MGRN1: variants seen among roughly 807,000 people sequenced by gnomAD.
The protein encoded by MGRN1 is E3 ubiquitin-protein ligase MGRN1.
In MGRN1, 29 loss-of-function variants were observed where a neutral mutation model predicts 69.2. The observed-to-expected ratio is 0.42, with a 90% CI of 0.31 to 0.57. MGRN1 has a LOEUF of 0.57. Ranked by LOEUF, MGRN1 falls within the 20% of genes least tolerant of loss-of-function variation. The pLI, the probability that MGRN1 is intolerant of heterozygous loss-of-function variation, is 0.15. For synonymous variants in MGRN1, 470 were observed against 344.2 expected (o/e 1.37, Z -4.04); for missense variants, 998 against 796.2 (o/e 1.25, Z -3.05).
rs564695629 is a variant in MGRN1 at position 4,678,058 on chromosome 16, GCTGGTCTCGAACT to G, written c.1065+489_1065+501del. Among the ~76,000 whole-genome samples the G allele has an allele frequency of 1.1e-4, 17 of 152,274 alleles. 1 individual carries two copies. The South Asian group carries it at 3.5e-3, about 32-fold the overall frequency. On this transcript the variant is annotated intron_variant, in intron 11 of 16. Coordinates refer to ENST00000262370, the MANE Select transcript of MGRN1 (RefSeq NM_015246.4). ...AGGTGGGGTTTCCCATGTTGCCCAG[GCTGGTCTCGAACT>G]CTTGGGCTCAAGTGCTAGTCCTGCC... is the stretch of plus-strand genomic sequence containing the variant.
chr16:4,625,156 G>C, intron 1 of MGRN1, 108 bp downstream of exon 1: 1 of 1,078,778 alleles, frequency 9.3e-7, no homozygotes, highest in Non-Finnish European at 1.3e-6. Context: ...GCCCCCTCCG[G>C]GCCTCGTTGC....
At chr16:4,645,881 G>C (rs2078263938) in intron 1 of MGRN1, among the ~76,000 whole-genome samples, 1 of 152,206 alleles carries the variant, frequency 6.6e-6, no homozygotes, top group Non-Finnish European at 1.5e-5. Context: ...GGAGGCTGGT[G>C]AATGGGCACA....
At chr16:4,657,217 C>G (rs374162320) in intron 4 of MGRN1, 29 bp from the exon 5 acceptor site, 181 of 1,601,670 alleles carry the variant, frequency 1.1e-4, no homozygotes, top group Admixed American at 4.2e-4. Flanking sequence ...CCTGCCGCAG[C>G]CTCACTGCTT....
chr16:4,656,393 C>T (rs1015257069), intron 4 of MGRN1, among the ~76,000 whole-genome samples: 1 of 152,172 alleles, frequency 6.6e-6, no homozygotes, highest in African/African-American at 2.4e-5. Flanking sequence ...CATGAAAGAG[C>T]AGTGTTGACG....
In MGRN1 at chr16:4,659,923, G is replaced by A. The variant is rs926581402; in HGVS notation, c.561+2560G>A. 5.9e-5 allele frequency among the ~76,000 whole-genome samples: 9 copies of A among 152,352 alleles called. No homozygotes were observed. In the East Asian group the frequency reaches 1.4e-3, roughly 23 times the overall value. On this transcript the variant is annotated intron_variant, in intron 5 of 16. Coordinates refer to ENST00000262370, the MANE Select transcript of MGRN1 (RefSeq NM_015246.4). ...GCCCTGCTCCAGCGCGTGGCCATCCGGCTGGGTCCGGAGATGCTTGGAGGC... is the reference window on the plus strand; with the variant it reads ...GCCCTGCTCCAGCGCGTGGCCATCCAGCTGGGTCCGGAGATGCTTGGAGGC...
intron 5 of MGRN1, among the ~76,000 whole-genome samples, chr16:4,663,829 C>A (rs1228983897): frequency 6.6e-6 from 1 of 152,194 alleles, no homozygotes. Flanking sequence ...CTGCTGGGGC[C>A]CTGGGGGCCG....
At chr16:4,679,590 T>TGAGG (rs2079131350) in intron 11 of MGRN1, among the ~76,000 whole-genome samples, 1 of 152,164 alleles carries the variant, frequency 6.6e-6, no homozygotes, top group South Asian at 2.1e-4. Flanking sequence ...CCAGCCCTCT[T>TGAGG]GAGGGGTTCA....
intron 1 of MGRN1, among the ~76,000 whole-genome samples, chr16:4,642,113 C>T (rs759774344): frequency 2.1e-5 from 3 of 144,152 alleles, no homozygotes; most frequent in Non-Finnish European, 4.5e-5. Context: ...TCCCTGTCAG[C>T]ATATGACTTG....
chr16:4,674,370 A>C lies in MGRN1; in HGVS notation c.955+713A>C, dbSNP rs560168669. On this transcript the variant is annotated intron_variant, in intron 10 of 16. Coordinates refer to ENST00000262370, the MANE Select transcript of MGRN1 (RefSeq NM_015246.4). ...GTGTTGCAGTCTCGGCTCACTGCAA[A>C]CTCCGCCTCCCGGGTTTAAGTGATT... 4.0e-3 allele frequency among the ~76,000 whole-genome samples: 602 copies of C among 149,826 alleles called. 3 individuals are homozygous for C. The highest frequency in any genetic ancestry group is 0.014 in the African/African-American group (572 of 40,594).
At chr16:4,646,301 A>G (rs910999708) in intron 1 of MGRN1, among the ~76,000 whole-genome samples, 6 of 152,112 alleles carry the variant, frequency 3.9e-5, no homozygotes, top group African/African-American at 1.4e-4. Flanking sequence ...GACATTGTGC[A>G]CACTGTGATC....
chr16:4,676,657 G>A (rs1052082109), intron 10 of MGRN1, among the ~76,000 whole-genome samples: 1 of 152,194 alleles, frequency 6.6e-6, no homozygotes, highest in Non-Finnish European at 1.5e-5. Flanking sequence ...GGAGGTGGCT[G>A]GTTTGGTGGT....
chr16:4,656,676 T>G (rs2078546252), intron 4 of MGRN1, among the ~76,000 whole-genome samples: 1 of 151,888 alleles, frequency 6.6e-6, no homozygotes, highest in South Asian at 2.1e-4. Context: ...AGGTCAGGAG[T>G]TCGAGACCAG....
intron 1 of MGRN1, among the ~76,000 whole-genome samples, chr16:4,637,528 A>G (rs1023824400): frequency 1.3e-5 from 2 of 152,228 alleles, no homozygotes; most frequent in Non-Finnish European, 2.9e-5. Context: ...TTCTTTGGAA[A>G]TTGGCCGCCT....
At chr16:4,642,670 G>T (rs1034494688) in intron 1 of MGRN1, among the ~76,000 whole-genome samples, 12 of 152,050 alleles carry the variant, frequency 7.9e-5, no homozygotes, top group African/African-American at 2.9e-4. Flanking sequence ...ATGTTGGCCA[G>T]GCTGGTCTTC....
chr16:4,687,978 C>T, intron 16 of MGRN1: 3 of 985,614 alleles, frequency 3.0e-6, no homozygotes, highest in Non-Finnish European at 3.6e-6. Context: ...GTGGAAGGTG[C>T]CGTGCGAATG....
chr16:4,665,209 C>T (rs2078774892), intron 7 of MGRN1, 58 bp downstream of exon 7: 3 of 1,590,874 alleles, frequency 1.9e-6, no homozygotes, highest in South Asian at 2.2e-5. Flanking sequence ...AGGGGGTGGC[C>T]TTTTGAGACG....
At chr16:4,654,097 C>T (rs751264362) in intron 4 of MGRN1, among the ~76,000 whole-genome samples, 14 of 152,084 alleles carry the variant, frequency 9.2e-5, no homozygotes, top group South Asian at 8.3e-4. Flanking sequence ...AGCTCTTAGA[C>T]GACACTTCCA....
At chr16:4,646,834 C>T (rs1465698129) in intron 1 of MGRN1, among the ~76,000 whole-genome samples, 2 of 152,180 alleles carry the variant, frequency 1.3e-5, no homozygotes, top group African/African-American at 2.4e-5. Flanking sequence ...TGAAGGTGCC[C>T]TGGGAGGAGG....
At chr16:4,688,599 C>T in intron 16 of MGRN1, 197 bp from the exon 17 acceptor site, 3 of 1,350,164 alleles carry the variant, frequency 2.2e-6, no homozygotes, top group Non-Finnish European at 2.9e-6. Context: ...CCAAGAGGGA[C>T]ACAGCGTATT....
Sources: gnomAD v4.1 joint callset for allele counts (sites outside exome capture counted in the v4.1 genomes callset) on GRCh38, gnomAD v4.1.1 for gene constraint, MANE v1.5 for transcripts, NCBI Gene and HGNC (gene_info 2026-07-23, HGNC 2026-07-21) for gene names.